Variants in KCNQ5 observed in about 807,000 individuals in gnomAD.
The protein encoded by KCNQ5 is potassium voltage-gated channel subfamily KQT member 5.
KCNQ5 carries 30 observed loss-of-function variants against 98.2 expected under a neutral mutation model. The ratio of observed to expected loss-of-function variants is 0.31; its 90% CI spans 0.23 to 0.41. The LOEUF (loss-of-function observed/expected upper bound fraction) is 0.41, where lower values mean the gene tolerates loss of function less well. Ranked by LOEUF, KCNQ5 falls within the 10% of genes least tolerant of loss-of-function variation. The pLI is 1.00. For missense variants in KCNQ5, 835 were observed against 1,182.5 expected (o/e 0.71, Z 4.31); for synonymous variants, 458 against 449.4 (o/e 1.02, Z -0.24).
intron 1 of KCNQ5, among the ~76,000 whole-genome samples, chr6:72,985,449 A>T (rs965108827): frequency 1.3e-5 from 2 of 152,220 alleles, no homozygotes; most frequent in Non-Finnish European, 2.9e-5. Flanking sequence ...GGACTTTTTT[A>T]AATTACAGGA....
chr6:72,787,326 T>C (rs533002113), intron 1 of KCNQ5, among the ~76,000 whole-genome samples: 2 of 152,238 alleles, frequency 1.3e-5, no homozygotes, highest in Non-Finnish European at 2.9e-5. Context: ...ACTGCTTTTG[T>C]GCTGCAATAG....
intron 10 of KCNQ5, among the ~76,000 whole-genome samples, chr6:73,156,058 T>G (rs779628010): frequency 1.1e-4 from 16 of 152,164 alleles, no homozygotes; most frequent in Non-Finnish European, 1.9e-4. Context: ...TCTAGTTGGA[T>G]TAAAGGAATT....
intron 1 of KCNQ5, among the ~76,000 whole-genome samples, chr6:72,815,809 T>C (rs1775484965): frequency 6.6e-6 from 1 of 152,178 alleles, no homozygotes; most frequent in Non-Finnish European, 1.5e-5. Flanking sequence ...TGACAGACGA[T>C]GGTGCCACTA....
intron 1 of KCNQ5, among the ~76,000 whole-genome samples, chr6:72,948,619 G>T (rs1156350396): frequency 6.6e-6 from 1 of 151,970 alleles, no homozygotes; most frequent in Non-Finnish European, 1.5e-5. Flanking sequence ...CCCAAGTAAT[G>T]TATGTTTTAT....
intron 1 of KCNQ5, among the ~76,000 whole-genome samples, chr6:72,873,969 T>C (rs973530191): frequency 5.3e-5 from 8 of 151,990 alleles, no homozygotes; most frequent in Admixed American, 1.3e-4. Flanking sequence ...AACTCTGGAA[T>C]GTATTTTTGA....
At chr6:73,163,937 C>T (rs940482092) in intron 10 of KCNQ5, among the ~76,000 whole-genome samples, 5 of 151,948 alleles carry the variant, frequency 3.3e-5, no homozygotes, top group African/African-American at 4.8e-5. Flanking sequence ...TTTAACCTCC[C>T]GCCATTATGA....
chr6:72,901,421 C>T (rs370692143), intron 1 of KCNQ5, among the ~76,000 whole-genome samples: 6 of 151,978 alleles, frequency 3.9e-5, no homozygotes, highest in Admixed American at 2.0e-4. Flanking sequence ...AAATCCTTGC[C>T]GAAGCCAATG....
chr6:72,671,117 G>A (rs1030862596), intron 1 of KCNQ5, among the ~76,000 whole-genome samples: 22 of 152,200 alleles, frequency 1.4e-4, no homozygotes, highest in Admixed American at 5.2e-4. Flanking sequence ...TTCAGTTCAC[G>A]ATTGTTTAGT....
chr6:72,831,990 G>C (rs1042369916), intron 1 of KCNQ5, among the ~76,000 whole-genome samples: 26 of 152,130 alleles, frequency 1.7e-4, no homozygotes, highest in Non-Finnish European at 3.7e-4. Flanking sequence ...TGGTAGAATA[G>C]TGTAGCATTT....
intron 3 of KCNQ5, among the ~76,000 whole-genome samples, chr6:73,074,755 TA>T (rs5877347): frequency 0.62 from 90,138 of 146,330 alleles, 32,653 homozygotes; most frequent in Non-Finnish European, 0.82. Flanking sequence ...TAATGTTTAT[TA>T]AAAAAAAAAA....
chr6:73,090,545 C>T (rs1001363728), intron 5 of KCNQ5, among the ~76,000 whole-genome samples: 3 of 152,080 alleles, frequency 2.0e-5, no homozygotes, highest in African/African-American at 7.2e-5. Flanking sequence ...TAGTTTCAGG[C>T]TCTATATTTA....
intron 9 of KCNQ5, among the ~76,000 whole-genome samples, chr6:73,124,986 C>T (rs62415168): frequency 0.32 from 4,173 of 13,096 alleles, 186 homozygotes; most frequent in Non-Finnish European, 0.38. Flanking sequence ...TATATACACA[C>T]ACACACATAT....
chr6:72,719,533 G>A (rs555427040), intron 1 of KCNQ5, among the ~76,000 whole-genome samples: 2 of 152,302 alleles, frequency 1.3e-5, no homozygotes, highest in South Asian at 2.1e-4. Flanking sequence ...GATACTAAAT[G>A]GCCAAGCCAA....
chr6:72,884,935 A>T (rs1778794783), intron 1 of KCNQ5, among the ~76,000 whole-genome samples: 1 of 152,142 alleles, frequency 6.6e-6, no homozygotes, highest in Non-Finnish European at 1.5e-5. Flanking sequence ...TTAAATTTTT[A>T]AAATGTAGGT....
intron 1 of KCNQ5, among the ~76,000 whole-genome samples, chr6:72,775,315 C>G (rs1392711125): frequency 6.6e-6 from 1 of 152,142 alleles, no homozygotes; most frequent in Non-Finnish European, 1.5e-5. Context: ...ACACTTTGTC[C>G]CTTTCCCTGC....
At chr6:72,634,120 G>A (rs1353795828) in intron 1 of KCNQ5, among the ~76,000 whole-genome samples, 2 of 152,122 alleles carry the variant, frequency 1.3e-5, no homozygotes, top group Non-Finnish European at 2.9e-5. Context: ...CATATCAGAT[G>A]GGTAGAGTAA....
rs1005838799 is a variant in KCNQ5 at position 72,730,909 on chromosome 6, T to A, written c.398+108322T>A. On this transcript the variant is annotated intron_variant, in intron 1 of 13. Transcript: ENST00000370398. The stretch of plus-strand genomic sequence containing the variant: ...ATTAGCTGTGAAAGGATGAATGTTT[T>A]TATGGTACATTTTCTTATCCAAGAA... 8.5e-5 allele frequency among the ~76,000 whole-genome samples: 13 copies of A among 152,120 alleles called. No individual in the cohort carries two copies. The East Asian group carries it at 1.9e-3, about 23-fold the overall frequency.
intron 1 of KCNQ5, among the ~76,000 whole-genome samples, chr6:72,707,765 G>C (rs776396997): frequency 9.8e-5 from 15 of 152,310 alleles, no homozygotes; most frequent in Non-Finnish European, 2.1e-4. Context: ...CCAGGCTGGA[G>C]TGCAGTGGTG....
At chr6:73,000,824 G>C (rs1484263174) in intron 1 of KCNQ5, among the ~76,000 whole-genome samples, 2 of 152,080 alleles carry the variant, frequency 1.3e-5, no homozygotes, top group Non-Finnish European at 2.9e-5. Flanking sequence ...TTTCCCAGAA[G>C]GCAACTCTGA....
Sources: allele counts gnomAD v4.1 joint callset (sites outside exome capture counted in the v4.1 genomes callset), GRCh38; gene constraint gnomAD v4.1.1; transcripts MANE v1.5; gene names NCBI Gene and HGNC (gene_info 2026-07-23, HGNC 2026-07-21).